The following MICALL1 variants were observed in gnomAD, a reference collection of about 807,000 sequenced individuals.
The protein encoded by MICALL1 is MICAL-like protein 1.
A neutral mutation model predicts 83.7 loss-of-function variants in MICALL1; 61 were observed. The ratio of observed to expected loss-of-function variants is 0.73; its 90% CI spans 0.59 to 0.90. The LOEUF is 0.90. MICALL1 is among the 40% of genes least tolerant of loss of function. The pLI is 0.00. For missense variants in MICALL1, 1,066 were observed against 1,152.0 expected (o/e 0.93, Z 1.08); for synonymous variants, 481 against 473.6 (o/e 1.02, Z -0.20).
chr22:37,922,082 C>G lies in MICALL1; in HGVS notation c.680C>G (p.Ser227Trp). 1 of 1,613,356 alleles carries G rather than the reference C, an allele frequency of 6.2e-7. No individual in the cohort carries two copies. The highest frequency in any genetic ancestry group is 8.5e-7 in the Non-Finnish European group (1 of 1,179,992). ...GCCAGGCTGGGCCCGGGGACACGGTCGGGGACCAGGCCTGGGCCCTTCTCA... is the reference window on the plus strand; with the variant it reads ...GCCAGGCTGGGCCCGGGGACACGGTGGGGGACCAGGCCTGGGCCCTTCTCA... ...HCARLGPGTR[S>W]GTRPGPFSQP... Residue 227 changes from serine (S) to tryptophan (W), a missense_variant, in exon 6 of 16, where the codon TCG (serine) becomes TGG (tryptophan). Transcript: ENST00000215957.
Position 37,938,546 on chromosome 22 carries a change from T to C in MICALL1, c.2470+754T>C, listed in dbSNP as rs558622399. Among the ~76,000 whole-genome samples the C allele has an allele frequency of 4.6e-5, 7 of 150,542 alleles. No individual in the cohort carries two copies. The East Asian group carries it at 1.4e-3, about 30-fold the overall frequency. ...TTGGCTTACTGCAATCTCTGCCTCC[T>C]AGGTTCAAGCAATTCTCCTGTCTCA... is the stretch of plus-strand genomic sequence containing the variant. On this transcript the variant is annotated intron_variant, in intron 15 of 15. Transcript: ENST00000215957.
At position 37,937,203 on chromosome 22, in the gene MICALL1, G is replaced by A. The variant is rs1223636641; in HGVS notation, c.2423+9G>A. The A allele has an allele frequency of 1.3e-6, 2 of 1,537,884 alleles. No homozygotes were observed. The highest frequency in any genetic ancestry group is 2.8e-5 in the African/African-American group (2 of 72,602). The stretch of plus-strand genomic sequence containing the variant: ...GATGAGGACCGGCAGAGGTGACATG[G>A]CCAGGGGTGGGGGGTCCTGGGGGCA... On this transcript the variant is annotated intron_variant, in intron 14 of 15. Coordinates refer to ENST00000215957, the MANE Select transcript of MICALL1 (RefSeq NM_033386.4).
chr22:37,906,486 G>C lies in MICALL1; in HGVS notation c.64G>C (p.Val22Leu). The change falls in exon 1 of 16, where the codon GTG becomes CTG. Residue 22 changes from valine to leucine, a missense_variant. Coordinates refer to ENST00000215957, the MANE Select transcript of MICALL1 (RefSeq NM_033386.4). This position sits in a 1 kb window ranked among gnomAD's most constrained non-coding sequence, Gnocchi z 4.4. The stretch of plus-strand genomic sequence containing the variant: ...CCGCCAGTGCGAGGGCTACCGCGGC[G>C]TGGAGATCCGCGACCTGAGCAGCTC... Reference protein sequence around the residue: ...CRRQCEGYRGVEIRDLSSSFR... With the variant: ...CRRQCEGYRGLEIRDLSSSFR... 8.0e-7 allele frequency: 1 copy of C among 1,253,612 alleles called. No individual in the cohort carries two copies. Among genetic ancestry groups the C allele is most frequent in the Non-Finnish European group, 1.0e-6 (1 of 988,046 alleles). 77.7% of individuals were successfully genotyped at this position (1,253,612 alleles called of 1,614,324 possible). A position where few individuals can be genotyped will look rare whatever the true frequency, so the allele number is the denominator to read the frequency against.
At position 37,922,292 on chromosome 22, in the gene MICALL1, C is replaced by T; in HGVS notation, c.890C>T (p.Pro297Leu). ...PGKLQELASP[P>L]AGRPTPAPRK... ...AAACTACAGGAGCTGGCCAGCCCCC[C>T]TGCGGGCCGCCCCACCCCTGCCCCC... The change falls in exon 6 of 16, where the codon CCT becomes CTT. Residue 297 changes from proline (P) to leucine (L), a missense_variant. Physicochemically the swap from Pro to Leu is moderately conservative, Grantham distance 98 (BLOSUM62 -3). Transcript: ENST00000215957. 1 of 1,553,808 alleles carries T rather than the reference C, an allele frequency of 6.4e-7. No homozygotes were observed. The highest frequency in any genetic ancestry group is 8.7e-7 in the Non-Finnish European group (1 of 1,150,082).
chr22:37,927,686 C>A lies in MICALL1; in HGVS notation c.1741C>A (p.Leu581Ile). 1.2e-6 allele frequency: 2 copies of A among 1,614,190 alleles called. No homozygotes were observed. Among genetic ancestry groups the A allele is most frequent in the Non-Finnish European group, 1.7e-6 (2 of 1,180,030 alleles). ...ACAAATGCCTCAAGCCAGCCCTGGC[C>A]TTGCCCCCAGGACCAGGGGCAGCTC... The part of the protein sequence containing the change: ...VEQMPQASPG[L>I]APRTRGSSGP... Residue 581 changes from leucine to isoleucine, a missense_variant, in exon 9 of 16, where the codon CTT (leucine) becomes ATT (isoleucine). Physicochemically the swap from Leu to Ile is conservative, Grantham distance 5 (BLOSUM62 2). Coordinates refer to ENST00000215957, the MANE Select transcript of MICALL1 (RefSeq NM_033386.4).
At chr22:37,926,198 G>A (rs2145922863) in intron 8 of MICALL1, among the ~76,000 whole-genome samples, 155 bp downstream of exon 8, 1 of 152,306 alleles carries the variant, frequency 6.6e-6, no homozygotes, top group African/African-American at 2.4e-5. Flanking sequence ...CTGTGAGTAG[G>A]TATCGTCACC....
chr22:37,933,224 C>T (rs1929898986), intron 13 of MICALL1, 112 bp downstream of exon 13: 3 of 1,120,226 alleles, frequency 2.7e-6, no homozygotes, highest in Non-Finnish European at 3.9e-6. Context: ...AGACTGGGGA[C>T]AGGGCCAGAG....
rs1930489903 is a variant in MICALL1, at chr22:37,942,712, AG to A, written c.*1884del. The A allele has an allele frequency of 6.6e-6, 1 of 152,264 alleles. No individual in the cohort carries two copies. 9.4% of individuals were successfully genotyped at this position (152,264 alleles called of 1,614,324 possible). On this transcript the variant is annotated 3_prime_UTR_variant, in exon 16 of 16. Transcript: ENST00000215957. ...GAGACGGGGTTTCACCGTGTTAACC[AG>A]GATGGTCTCGATCTCCTGACCTTGT...
At chr22:37,907,408 C>T (rs1053377684) in intron 1 of MICALL1, 3 of 152,376 alleles carry the variant, frequency 2.0e-5, no homozygotes, top group Admixed American at 1.3e-4. Flanking sequence ...CTTGGAGCCT[C>T]TGTCTTTGCT....
rs754000653 is a variant in MICALL1, at chr22:37,927,438, C to T, written c.1493C>T (p.Ser498Leu). 61 of 1,592,706 alleles carry T rather than the reference C, an allele frequency of 3.8e-5. No individual in the cohort carries two copies. The highest frequency in any genetic ancestry group is 2.0e-4 in the Admixed American group (12 of 59,646). The change falls in exon 9 of 16, where the codon TCG becomes TTG. Residue 498 changes from serine to leucine, a missense_variant. By Grantham distance (145) the Ser-to-Leu change is moderately radical. Transcript: ENST00000215957. ...CTCCACGCCTCCCGCCTCTCGCACT[C>T]GGAGCCGCCCTCGGCCACACCATCG... ...LALHASRLSH[S>L]EPPSATPSPA...
chr22:37,910,936 C>T (rs1401164923), intron 1 of MICALL1, among the ~76,000 whole-genome samples: 1 of 152,232 alleles, frequency 6.6e-6, no homozygotes, highest in Non-Finnish European at 1.5e-5. Context: ...GGCGGCGTGG[C>T]CTGCTCTTGC....
Position 37,931,871 on chromosome 22 carries a change from A to G in MICALL1, c.1954A>G (p.Lys652Glu). Residue 652 changes from lysine to glutamate, a missense_variant, in exon 10 of 16, where the codon AAG becomes GAG. By Grantham distance (56) the Lys-to-Glu change is moderately conservative (BLOSUM62 1). Transcript: ENST00000215957. ...GTCCCCAGCCACAAAGAAGGCCACCAAGGGATCCAAGCCAGTGAGGCCACC... is the reference window on the plus strand; with the variant it reads ...GTCCCCAGCCACAAAGAAGGCCACCGAGGGATCCAAGCCAGTGAGGCCACC... ...AASPATKKAT[K>E]GSKPVRPPAP... is the part of the protein sequence containing the mutation. 1 of 1,614,132 alleles carries G rather than the reference A, an allele frequency of 6.2e-7. No homozygotes were observed. The highest frequency in any genetic ancestry group is 2.2e-5 in the East Asian group (1 of 44,872).
At chr22:37,909,050 T>G (rs1569133639) in intron 1 of MICALL1, among the ~76,000 whole-genome samples, 1 of 151,866 alleles carries the variant, frequency 6.6e-6, no homozygotes, top group Non-Finnish European at 1.5e-5. Flanking sequence ...ATGCAGGGTT[T>G]TTTTTGTTTT....
At position 37,934,817 on chromosome 22, in the gene MICALL1, C is replaced by T. The variant is rs527323683; in HGVS notation, c.2308+1705C>T. On this transcript the variant is annotated intron_variant, in intron 13 of 15. Coordinates refer to ENST00000215957, the MANE Select transcript of MICALL1 (RefSeq NM_033386.4). ...TTCACCATGTTAGCCAGGATGGTCT[C>T]GATCTCCTGACCTTGTGATCCACCC... is the stretch of plus-strand genomic sequence containing the variant. 6.6e-5 allele frequency among the ~76,000 whole-genome samples: 10 copies of T among 150,816 alleles called. No individual in the cohort carries two copies. The South Asian group carries it at 1.0e-3, about 16-fold the overall frequency.
chr22:37,915,479 C>T (rs1422636726), intron 3 of MICALL1, among the ~76,000 whole-genome samples: 1 of 152,108 alleles, frequency 6.6e-6, no homozygotes, highest in African/African-American at 2.4e-5. Context: ...AAAATTTTCA[C>T]TCTGCCATTT....
chr22:37,939,350 A>C (rs1930304707), intron 15 of MICALL1, among the ~76,000 whole-genome samples: 1 of 152,242 alleles, frequency 6.6e-6, no homozygotes, highest in African/African-American at 2.4e-5. Context: ...TCAATTTCAA[A>C]GGCCTACATT....
rs555184641 is a variant in MICALL1 at position 37,932,927 on chromosome 22, G to A, written c.2234+39G>A. ...CCTGGGGCATCCCTCCCTGGAATCCGTAGAGCTTAGAATGGAGAACCCTTA... is the reference window on the plus strand; with the variant it reads ...CCTGGGGCATCCCTCCCTGGAATCCATAGAGCTTAGAATGGAGAACCCTTA... On this transcript the variant is annotated intron_variant, in intron 12 of 15. Coordinates refer to ENST00000215957, the MANE Select transcript of MICALL1 (RefSeq NM_033386.4). The surrounding 1 kb of genome is among the most constrained non-coding windows in gnomAD (Gnocchi z 4.4). 55 of 1,612,968 alleles carry A rather than the reference G, an allele frequency of 3.4e-5. No homozygotes were observed. The highest frequency in any genetic ancestry group is 4.1e-5 in the Non-Finnish European group (48 of 1,179,152).
At chr22:37,914,231 CTT>C (rs113697593) in intron 3 of MICALL1, among the ~76,000 whole-genome samples, 10 of 140,276 alleles carry the variant, frequency 7.1e-5, no homozygotes, top group Admixed American at 1.4e-4. Context: ...TCTTTTCTTT[CTT>C]TTTTTTTTTT....
chr22:37,912,532 G>T (rs373276056), intron 3 of MICALL1, 40 bp downstream of exon 3: 12 of 1,547,478 alleles, frequency 7.8e-6, no homozygotes, highest in Admixed American at 7.2e-5. Flanking sequence ...GCTGGCCCAG[G>T]GGGTGGCCCT....
Sources: allele counts gnomAD v4.1 joint callset (sites outside exome capture counted in the v4.1 genomes callset), GRCh38; gene constraint gnomAD v4.1.1; non-coding constraint Gnocchi (gnomAD v3.1); transcripts MANE v1.5; gene names NCBI Gene and HGNC (gene_info 2026-07-23, HGNC 2026-07-21).